Variants in CFAP43 observed in about 807,000 individuals in gnomAD.
The protein encoded by CFAP43 is cilia and flagella associated protein 43.
CFAP43 carries 155 observed loss-of-function variants against 218.9 expected under a neutral mutation model. That is an observed-to-expected ratio of 0.71 (90% CI 0.62 to 0.81). The LOEUF (loss-of-function observed/expected upper bound fraction) is 0.81, where lower values mean the gene tolerates loss of function less well. CFAP43 is among the 30% of genes least tolerant of loss of function. The probability of loss-of-function intolerance (pLI) is 0.00; values close to 1 mark genes in which losing one functional copy is unlikely to be tolerated. For synonymous variants in CFAP43, 645 were observed against 681.3 expected (o/e 0.95, Z 0.83); for missense variants, 1,778 against 1,954.3 (o/e 0.91, Z 1.70).
At chr10:104,210,453 G>A (rs1210788303) in intron 5 of CFAP43, among the ~76,000 whole-genome samples, 13 of 152,160 alleles carry the variant, frequency 8.5e-5, no homozygotes, top group Non-Finnish European at 1.5e-4. Context: ...TGCAACCTCC[G>A]CCTCCCGGCT....
intron 17 of CFAP43, among the ~76,000 whole-genome samples, chr10:104,180,570 T>G (rs953682328): frequency 2.6e-5 from 4 of 151,586 alleles, no homozygotes; most frequent in African/African-American, 9.7e-5. Context: ...CTCAGCCTCC[T>G]GAGTAGCTGG....
chr10:104,152,166 C>G (rs1429934876), intron 28 of CFAP43, among the ~76,000 whole-genome samples: 1 of 152,104 alleles, frequency 6.6e-6, no homozygotes, highest in Admixed American at 6.6e-5. Context: ...ACAAGACAGA[C>G]TTAGTCTCTA....
At chr10:104,145,859 T>C (rs915894217) in intron 30 of CFAP43, among the ~76,000 whole-genome samples, 4 of 151,948 alleles carry the variant, frequency 2.6e-5, no homozygotes, top group Middle Eastern at 3.4e-3. Context: ...AACATGAATG[T>C]TACTCTATTC....
At chr10:104,189,698 CCAAA>C (rs1439516903) in intron 12 of CFAP43, among the ~76,000 whole-genome samples, 1 of 152,084 alleles carries the variant, frequency 6.6e-6, no homozygotes, top group African/African-American at 2.4e-5. Flanking sequence ...CACCCTCTGG[CCAAA>C]CAGATACATT....
chr10:104,185,903 A>T, intron 15 of CFAP43, 71 bp downstream of exon 15: 1 of 1,360,192 alleles, frequency 7.4e-7, no homozygotes, highest in South Asian at 1.4e-5. Context: ...ATTTTTATAT[A>T]CATATAAAAT....
chr10:104,165,333 ATT>A (rs754349486), intron 23 of CFAP43, among the ~76,000 whole-genome samples: 4 of 152,220 alleles, frequency 2.6e-5, no homozygotes, highest in Non-Finnish European at 5.9e-5. Context: ...TAGCACAAAA[ATT>A]TCTCTTGGGC....
chr10:104,135,199 T>C (rs926818809), intron 34 of CFAP43, among the ~76,000 whole-genome samples: 6 of 151,774 alleles, frequency 4.0e-5, no homozygotes, highest in African/African-American at 9.7e-5. Flanking sequence ...AAAAAATATA[T>C]GCAACAGACT....
intron 3 of CFAP43, among the ~76,000 whole-genome samples, chr10:104,222,746 C>T (rs974237265): frequency 1.3e-5 from 2 of 152,172 alleles, no homozygotes; most frequent in African/African-American, 4.8e-5. Flanking sequence ...ATCAAAAATG[C>T]CCTCTACAGA....
intron 3 of CFAP43, among the ~76,000 whole-genome samples, chr10:104,224,899 A>G (rs1211430658): frequency 6.6e-6 from 1 of 152,152 alleles, no homozygotes; most frequent in Non-Finnish European, 1.5e-5. Context: ...TAAGAAAAAT[A>G]TCCTCTTGAA....
At position 104,187,470 on chromosome 10, in the gene CFAP43, TTCA is replaced by T; in HGVS notation, c.1707_1709del (p.Asp569del). ...TGATTTCATCTTTCAGCCTTCCTCTTTCATCAGCAAAGGTTGTGGAAACTATTA... is the reference window on the plus strand; with the variant it reads ...TGATTTCATCTTTCAGCCTTCCTCTTTCAGCAAAGGTTGTGGAAACTATTA... On this transcript the variant is annotated inframe_deletion, in exon 14 of 38. Coordinates refer to ENST00000357060, the MANE Select transcript of CFAP43 (RefSeq NM_025145.7). 6.3e-7 allele frequency: 1 copy of T among 1,593,024 alleles called. No individual in the cohort carries two copies. Among genetic ancestry groups the T allele is most frequent in the East Asian group, 2.3e-5 (1 of 43,476 alleles).
chr10:104,143,602 C>T lies in CFAP43; in HGVS notation c.3982G>A (p.Val1328Ile), dbSNP rs886950253. 10 of 1,614,058 alleles carry T rather than the reference C, an allele frequency of 6.2e-6. No homozygotes were observed. The highest frequency in any genetic ancestry group is 5.0e-5 in the Admixed American group (3 of 60,010). ...KQKTHSETTS[V>I]VPFGELPGSG... is the part of the protein sequence containing the mutation. ...CCTGGTAGTTCTCCGAAAGGGACAA[C>T]GCTGGTTGTTTCTGAGTGCGTTTTC... The change falls in exon 32 of 38, where the codon GTT (valine) becomes ATT (isoleucine). Residue 1328 changes from valine (V) to isoleucine (I), a missense_variant. Coordinates refer to ENST00000357060, the MANE Select transcript of CFAP43 (RefSeq NM_025145.7).
intron 8 of CFAP43, among the ~76,000 whole-genome samples, chr10:104,202,841 T>A (rs2090573294): frequency 6.6e-6 from 1 of 151,310 alleles, no homozygotes; most frequent in South Asian, 2.1e-4. Flanking sequence ...TAAAAAAAAC[T>A]TCTGGTAATT....
chr10:104,179,181 G>A, intron 18 of CFAP43, 75 bp from the exon 19 acceptor site: 1 of 1,081,044 alleles, frequency 9.3e-7, no homozygotes. Flanking sequence ...GAGAGAGAGA[G>A]CAATTCTCTA....
intron 5 of CFAP43, among the ~76,000 whole-genome samples, chr10:104,209,183 C>T (rs2090781433): frequency 6.6e-6 from 1 of 152,146 alleles, no homozygotes; most frequent in South Asian, 2.1e-4. Context: ...TTTGGTTATG[C>T]TTTCACTCAT....
At chr10:104,227,902 A>G (rs1235747786) in intron 2 of CFAP43, among the ~76,000 whole-genome samples, 2 of 120,414 alleles carry the variant, frequency 1.7e-5, no homozygotes, top group Non-Finnish European at 3.1e-5. Flanking sequence ...GCTGGAGTGC[A>G]GTGGCGTGAT....
chr10:104,186,174 A>C, intron 14 of CFAP43, 51 bp from the exon 15 acceptor site: 1 of 1,411,498 alleles, frequency 7.1e-7, no homozygotes. Context: ...GGTAAACAGC[A>C]CCTTTGGGTT....
intron 13 of CFAP43, 113 bp downstream of exon 13, chr10:104,188,157 G>C (rs531681318): frequency 1.5e-6 from 2 of 1,328,728 alleles, no homozygotes; most frequent in East Asian, 2.3e-5. Flanking sequence ...ATAGACAAAA[G>C]GTGGCCATTT....
At chr10:104,185,438 G>A (rs979826629) in intron 15 of CFAP43, among the ~76,000 whole-genome samples, 8 of 152,112 alleles carry the variant, frequency 5.3e-5, no homozygotes, top group Non-Finnish European at 1.2e-4. Context: ...TGAATGGATT[G>A]CAGAAGTCTA....
intron 6 of CFAP43, 33 bp from the exon 7 acceptor site, chr10:104,206,063 G>A (rs756468588): frequency 1.3e-6 from 2 of 1,526,828 alleles, no homozygotes; most frequent in African/African-American, 2.8e-5. Context: ...TAAAGCAGGT[G>A]ACGTAATTAA....
Sources: gnomAD v4.1 joint callset for allele counts (sites outside exome capture counted in the v4.1 genomes callset) on GRCh38, gnomAD v4.1.1 for gene constraint, MANE v1.5 for transcripts, NCBI Gene and HGNC (gene_info 2026-07-23, HGNC 2026-07-21) for gene names.